Variants in GRM5 observed in about 807,000 individuals in gnomAD.
The protein encoded by GRM5 is glutamate metabotropic receptor 5.
A neutral mutation model predicts 83.1 loss-of-function variants in GRM5; 19 were observed. That is an observed-to-expected ratio of 0.23 (90% CI 0.16 to 0.34). The LOEUF is 0.34. GRM5 is among the 10% of genes least tolerant of loss of function. The pLI is 1.00. For synonymous variants in GRM5, 675 were observed against 633.6 expected (o/e 1.07, Z -0.98); for missense variants, 1,160 against 1,588.3 (o/e 0.73, Z 4.58).
At chr11:88,651,589 A>G (rs769563863) in intron 4 of GRM5, among the ~76,000 whole-genome samples, 7 of 152,122 alleles carry the variant, frequency 4.6e-5, no homozygotes, top group Admixed American at 1.3e-4. Context: ...ATTGTGAGCC[A>G]TAAGTGACAG....
intron 8 of GRM5, among the ~76,000 whole-genome samples, chr11:88,541,443 C>T (rs912959843): frequency 2.0e-5 from 3 of 152,100 alleles, no homozygotes; most frequent in African/African-American, 7.2e-5. Context: ...AATATATAGA[C>T]ACAGATACAT....
intron 3 of GRM5, among the ~76,000 whole-genome samples, chr11:88,777,255 C>T (rs1298070181): frequency 6.6e-6 from 1 of 152,190 alleles, no homozygotes; most frequent in African/African-American, 2.4e-5. Flanking sequence ...GCATGCATCA[C>T]GTAGTTCTCA....
At chr11:88,772,433 C>G (rs1293501556) in intron 3 of GRM5, among the ~76,000 whole-genome samples, 2 of 151,022 alleles carry the variant, frequency 1.3e-5, no homozygotes, top group Non-Finnish European at 3.0e-5. Context: ...CTATCTGGCC[C>G]TTTATTTATT....
At position 88,858,667 on chromosome 11, in the gene GRM5, G is replaced by T. The variant is rs5009091; in HGVS notation, c.662-8512C>A. On this transcript the variant is annotated intron_variant, in intron 2 of 9. Transcript: ENST00000305447. ...TGGTAGATTCCTGAGCCCTGGAATC[G>T]AAAGTTGATTCTCAACATGTATCTA... is the stretch of plus-strand genomic sequence containing the variant. Among the ~76,000 whole-genome samples, 17 of 152,078 alleles carry T rather than the reference G, an allele frequency of 1.1e-4. No individual in the cohort carries two copies. The South Asian group carries it at 3.3e-3, about 30-fold the overall frequency.
chr11:88,666,289 C>T (rs1940041593), intron 3 of GRM5, among the ~76,000 whole-genome samples: 1 of 152,144 alleles, frequency 6.6e-6, no homozygotes, highest in African/African-American at 2.4e-5. Context: ...ATTCGGCAGG[C>T]TAAGAAGTTC....
At chr11:88,668,959 T>C (rs1940122973) in intron 3 of GRM5, among the ~76,000 whole-genome samples, 1 of 152,162 alleles carries the variant, frequency 6.6e-6, no homozygotes, top group Admixed American at 6.6e-5. Context: ...TCTCACAGTT[T>C]ATCCATAGCA....
At chr11:88,586,135 CATGT>C (rs1943309901) in intron 7 of GRM5, among the ~76,000 whole-genome samples, 1 of 151,320 alleles carries the variant, frequency 6.6e-6, no homozygotes, top group African/African-American at 2.4e-5. Context: ...CACATATTCA[CATGT>C]ATTTATGTGT....
intron 3 of GRM5, among the ~76,000 whole-genome samples, chr11:88,769,583 G>C (rs756151880): frequency 1.3e-5 from 2 of 151,954 alleles, no homozygotes; most frequent in Non-Finnish European, 2.9e-5. Flanking sequence ...CCCTCACAAA[G>C]CAACAATAAC....
At chr11:88,962,600 T>C (rs1938819272) in intron 2 of GRM5, among the ~76,000 whole-genome samples, 2 of 152,196 alleles carry the variant, frequency 1.3e-5, no homozygotes, top group African/African-American at 2.4e-5. Context: ...TATTCAACTG[T>C]TTATTAAAAT....
At chr11:88,984,068 G>C (rs1288079884) in intron 2 of GRM5, among the ~76,000 whole-genome samples, 1 of 152,090 alleles carries the variant, frequency 6.6e-6, no homozygotes, top group Non-Finnish European at 1.5e-5. Flanking sequence ...AGTTTATAAA[G>C]TAAAAAAGTT....
chr11:88,991,902 T>TA (rs1419357404), intron 2 of GRM5, among the ~76,000 whole-genome samples: 72 of 152,158 alleles, frequency 4.7e-4, no homozygotes, highest in African/African-American at 1.5e-3. Context: ...CCTAAAACCA[T>TA]AAAAACCCTA....
At chr11:88,807,688 C>G (rs1024180815) in intron 3 of GRM5, among the ~76,000 whole-genome samples, 1 of 152,024 alleles carries the variant, frequency 6.6e-6, no homozygotes, top group Admixed American at 6.6e-5. Context: ...AAAGAGAGAT[C>G]TGATATTCAA....
chr11:88,568,524 A>C (rs1013057073), intron 7 of GRM5, among the ~76,000 whole-genome samples: 3 of 152,116 alleles, frequency 2.0e-5, no homozygotes, highest in Non-Finnish European at 4.4e-5. Flanking sequence ...GGAGGTAGGG[A>C]GGAAGGGGAT....
At chr11:88,603,724 A>G (rs1047560224) in intron 5 of GRM5, among the ~76,000 whole-genome samples, 1 of 152,218 alleles carries the variant, frequency 6.6e-6, no homozygotes, top group African/African-American at 2.4e-5. Context: ...TAACAGCTGC[A>G]TTTGGGATAA....
intron 4 of GRM5, among the ~76,000 whole-genome samples, chr11:88,631,358 C>T (rs1400181929): frequency 6.6e-6 from 1 of 152,042 alleles, no homozygotes; most frequent in Non-Finnish European, 1.5e-5. Context: ...ATCATCATTC[C>T]TAGCCTAGAT....
chr11:88,658,256 G>T (rs114210728), intron 3 of GRM5, among the ~76,000 whole-genome samples: 4 of 152,126 alleles, frequency 2.6e-5, no homozygotes, highest in Non-Finnish European at 4.4e-5. Context: ...GTTGGGGACC[G>T]CTGTTGTAGA....
intron 3 of GRM5, among the ~76,000 whole-genome samples, chr11:88,792,071 G>A (rs1332955196): frequency 6.6e-6 from 1 of 152,024 alleles, no homozygotes; most frequent in Admixed American, 6.6e-5. Flanking sequence ...GGAATCCCAG[G>A]AATAAGACTC....
chr11:88,995,425 G>A (rs1186089887), intron 2 of GRM5, among the ~76,000 whole-genome samples: 4 of 151,298 alleles, frequency 2.6e-5, no homozygotes, highest in Non-Finnish European at 4.4e-5. Context: ...GGCACCTGTA[G>A]TCCCAGCTAC....
At chr11:88,642,131 C>T (rs1939312138) in intron 4 of GRM5, among the ~76,000 whole-genome samples, 1 of 152,170 alleles carries the variant, frequency 6.6e-6, no homozygotes, top group African/African-American at 2.4e-5. Flanking sequence ...TTCACTCTTG[C>T]AGTCTGCATG....
Sources: allele counts gnomAD v4.1 joint callset (sites outside exome capture counted in the v4.1 genomes callset), GRCh38; gene constraint gnomAD v4.1.1; transcripts MANE v1.5; gene names NCBI Gene and HGNC (gene_info 2026-07-23, HGNC 2026-07-21).